PRKAR1B: variants seen among roughly 807,000 people sequenced by gnomAD.
PRKAR1B encodes protein kinase cAMP-dependent type I regulatory subunit beta.
A neutral mutation model predicts 46.5 loss-of-function variants in PRKAR1B; 22 were observed. The observed-to-expected ratio is 0.47, with a 90% CI of 0.34 to 0.68. The LOEUF is 0.68. PRKAR1B is among the 30% of genes least tolerant of loss of function. PRKAR1B has a pLI of 0.01. For synonymous variants in PRKAR1B, 259 were observed against 217.7 expected, an observed-to-expected ratio of 1.19 and a Z score of -1.67; for missense variants, 445 against 535.6, an observed-to-expected ratio of 0.83 and a Z score of 1.67.
At chr7:576,875 C>T (rs757945456) in intron 9 of PRKAR1B, among the ~76,000 whole-genome samples, 12 of 152,176 alleles carry the variant, frequency 7.9e-5, no homozygotes, top group South Asian at 2.1e-4. Flanking sequence ...GGGTCTCCAG[C>T]GAAACACACA....
At chr7:594,295 A>G (rs1781143730) in intron 7 of PRKAR1B, among the ~76,000 whole-genome samples, 1 of 152,046 alleles carries the variant, frequency 6.6e-6, no homozygotes, top group Non-Finnish European at 1.5e-5. Flanking sequence ...AACCATCCCA[A>G]GCAGGGGATG....
At chr7:637,460 C>T (rs898147106) in intron 4 of PRKAR1B, among the ~76,000 whole-genome samples, 1 of 151,946 alleles carries the variant, frequency 6.6e-6, no homozygotes, top group Admixed American at 6.6e-5. Flanking sequence ...ATGCTTTATA[C>T]AGTCTTTAAA....
chr7:715,204 C>G (rs1780830895), intron 1 of PRKAR1B, among the ~76,000 whole-genome samples: 2 of 152,050 alleles, frequency 1.3e-5, no homozygotes, highest in African/African-American at 4.8e-5. Flanking sequence ...AAATAAATAC[C>G]TCGTACTACT....
intron 1 of PRKAR1B, among the ~76,000 whole-genome samples, chr7:717,264 G>A (rs377750784): frequency 2.0e-5 from 3 of 151,938 alleles, no homozygotes; most frequent in East Asian, 3.9e-4. Context: ...GTTCCAGCCT[G>A]GGCAACAGGA....
At chr7:596,368 T>C (rs2128456768) in intron 6 of PRKAR1B, 64 bp from the exon 7 acceptor site, 1 of 1,546,328 alleles carries the variant, frequency 6.5e-7, no homozygotes. Context: ...CTGCATCCCA[T>C]ACAGAAAGTC....
intron 2 of PRKAR1B, among the ~76,000 whole-genome samples, chr7:693,322 G>A (rs774588841): frequency 6.6e-6 from 1 of 150,668 alleles, no homozygotes; most frequent in Admixed American, 6.7e-5. Context: ...ATTCAGCCAC[G>A]TCGACACATT....
intron 4 of PRKAR1B, among the ~76,000 whole-genome samples, chr7:664,707 C>T (rs1033568973): frequency 6.6e-6 from 1 of 150,812 alleles, no homozygotes; most frequent in Non-Finnish European, 1.5e-5. Context: ...CCAGGAGGCT[C>T]AAGTCCAGCC....
At chr7:662,046 C>G (rs1418413846) in intron 4 of PRKAR1B, among the ~76,000 whole-genome samples, 1 of 75,876 alleles carries the variant, frequency 1.3e-5, no homozygotes, top group Non-Finnish European at 2.7e-5. Context: ...TACTCTCCCC[C>G]CCATGGCACA....
chr7:596,346 G>C (rs1355148022), intron 6 of PRKAR1B, 42 bp from the exon 7 acceptor site: 1 of 1,580,230 alleles, frequency 6.3e-7, no homozygotes, highest in Non-Finnish European at 8.6e-7. Flanking sequence ...GGGCCAGGCA[G>C]GGTGACCTCC....
At chr7:591,138 G>A (rs768328036) in intron 7 of PRKAR1B, among the ~76,000 whole-genome samples, 46 of 152,376 alleles carry the variant, frequency 3.0e-4, no homozygotes, top group African/African-American at 6.0e-4. Flanking sequence ...TCCATCTCTC[G>A]CGGCGGGGTG....
chr7:561,880 T>G (rs1778824227), intron 9 of PRKAR1B: 1 of 152,244 alleles, frequency 6.6e-6, no homozygotes, highest in Admixed American at 6.5e-5. Context: ...CCCGCCTGCA[T>G]GCCAGAGTGA....
intron 2 of PRKAR1B, among the ~76,000 whole-genome samples, chr7:683,897 C>T (rs1030285511): frequency 1.2e-4 from 19 of 152,388 alleles, no homozygotes; most frequent in African/African-American, 4.6e-4. Context: ...CCAGAGGCCC[C>T]CACTTCTTCT....
At chr7:696,627 G>C (rs1435658086) in intron 2 of PRKAR1B, 1 of 152,212 alleles carries the variant, frequency 6.6e-6, no homozygotes, top group East Asian at 1.9e-4. Flanking sequence ...CTTCATAGAG[G>C]AGAGACTGGC....
chr7:662,866 C>T (rs1156427633), intron 4 of PRKAR1B, among the ~76,000 whole-genome samples: 1 of 152,170 alleles, frequency 6.6e-6, no homozygotes, highest in Non-Finnish European at 1.5e-5. Flanking sequence ...GGGGCCCAGG[C>T]TCTCACCCTC....
intron 2 of PRKAR1B, among the ~76,000 whole-genome samples, chr7:708,012 C>A (rs1780424199): frequency 6.6e-6 from 1 of 151,622 alleles, no homozygotes. Context: ...CCAAGATGAT[C>A]ACCAGCACCA....
chr7:568,443 G>A (rs1779302315), intron 9 of PRKAR1B, among the ~76,000 whole-genome samples: 1 of 152,248 alleles, frequency 6.6e-6, no homozygotes, highest in South Asian at 2.1e-4. Context: ...AACACAGGAG[G>A]ACAACTTCCT....
At chr7:561,512 T>A (rs952158689) in intron 9 of PRKAR1B, among the ~76,000 whole-genome samples, 1 of 152,216 alleles carries the variant, frequency 6.6e-6, no homozygotes, top group Non-Finnish European at 1.5e-5. Context: ...GCTCCTGAGC[T>A]GCGTGCAGGC....
At chr7:617,960 T>C (rs1782924154) in intron 4 of PRKAR1B, among the ~76,000 whole-genome samples, 1 of 152,104 alleles carries the variant, frequency 6.6e-6, no homozygotes, top group Non-Finnish European at 1.5e-5. Flanking sequence ...CTGTGTTCAC[T>C]TTCCCCAAGC....
chr7:709,834 C>T (rs899683324), intron 2 of PRKAR1B, among the ~76,000 whole-genome samples: 1 of 152,118 alleles, frequency 6.6e-6, no homozygotes, highest in African/African-American at 2.4e-5. Context: ...ACCCAGCAAA[C>T]TTTTTAAATG....
Sources: gnomAD v4.1 joint callset for allele counts (sites outside exome capture counted in the v4.1 genomes callset) on GRCh38, gnomAD v4.1.1 for gene constraint, MANE v1.5 for transcripts, NCBI Gene and HGNC (gene_info 2026-07-23, HGNC 2026-07-21) for gene names.